PALS1: variants seen among roughly 807,000 people sequenced by gnomAD.
PALS1 encodes the protein protein PALS1.
A neutral mutation model predicts 78.9 loss-of-function variants in PALS1; 31 were observed. That is an observed-to-expected ratio of 0.39 (90% CI 0.30 to 0.53). The LOEUF is 0.53. PALS1 is among the 20% of genes least tolerant of loss of function. The probability of loss-of-function intolerance (pLI) is 0.67; values close to 1 mark genes in which losing one functional copy is unlikely to be tolerated. For synonymous variants in PALS1, 276 were observed against 270.9 expected (o/e 1.02, Z -0.18); for missense variants, 704 against 826.5 (o/e 0.85, Z 1.82).
At chr14:67,257,428 C>T (rs1225580792) in intron 1 of PALS1, among the ~76,000 whole-genome samples, 1 of 152,038 alleles carries the variant, frequency 6.6e-6, no homozygotes, top group Non-Finnish European at 1.5e-5. Context: ...ACATAGTTCC[C>T]AGCTTGACTT....
intron 13 of PALS1, among the ~76,000 whole-genome samples, chr14:67,322,568 A>G (rs974028074): frequency 6.6e-6 from 1 of 152,194 alleles, no homozygotes; most frequent in Admixed American, 6.5e-5. Flanking sequence ...CTATTCTAAA[A>G]TAGTAATTAG....
intron 4 of PALS1, among the ~76,000 whole-genome samples, chr14:67,297,484 T>A (rs1265890504): frequency 1.3e-5 from 2 of 152,180 alleles, no homozygotes; most frequent in Non-Finnish European, 2.9e-5. Context: ...ATAAAACATT[T>A]AAAGCAAGAA....
intron 2 of PALS1, among the ~76,000 whole-genome samples, chr14:67,273,090 A>G (rs942733036): frequency 3.4e-4 from 51 of 148,508 alleles, no homozygotes; most frequent in African/African-American, 1.2e-3. Flanking sequence ...TCAGCCCTCT[A>G]TGCTTCAGTA....
intron 4 of PALS1, among the ~76,000 whole-genome samples, chr14:67,293,737 T>G: frequency 6.6e-6 from 1 of 151,990 alleles, no homozygotes; most frequent in East Asian, 1.9e-4. Context: ...ATATGACATA[T>G]TTGAGAACAC....
chr14:67,286,764 G>T (rs1002773032), intron 3 of PALS1, among the ~76,000 whole-genome samples: 3 of 151,370 alleles, frequency 2.0e-5, no homozygotes, highest in Non-Finnish European at 1.5e-5. Flanking sequence ...AGGCTAGGTG[G>T]GAGGATCGCT....
intron 1 of PALS1, among the ~76,000 whole-genome samples, chr14:67,250,244 A>G (rs1042074265): frequency 2.6e-5 from 4 of 152,162 alleles, no homozygotes; most frequent in African/African-American, 9.7e-5. Flanking sequence ...AATAAGTTTT[A>G]GTTCTTAAAA....
intron 1 of PALS1, among the ~76,000 whole-genome samples, chr14:67,257,300 TTCTG>T (rs2084159962): frequency 6.6e-6 from 1 of 151,980 alleles, no homozygotes; most frequent in Non-Finnish European, 1.5e-5. Flanking sequence ...GGTGACTGAG[TTCTG>T]TCTGTCCTTT....
At chr14:67,325,604 A>G (rs1463622178) in intron 14 of PALS1, among the ~76,000 whole-genome samples, 1 of 152,144 alleles carries the variant, frequency 6.6e-6, no homozygotes, top group East Asian at 1.9e-4. Context: ...TCCAATAACT[A>G]CTTTGGTAGA....
intron 10 of PALS1, 73 bp downstream of exon 10, chr14:67,316,976 A>G: frequency 8.4e-7 from 1 of 1,190,116 alleles, no homozygotes; most frequent in Non-Finnish European, 1.2e-6. Context: ...GAATCTGCAT[A>G]TTAGAACCGT....
intron 8 of PALS1, among the ~76,000 whole-genome samples, chr14:67,304,423 C>T (rs962520548): frequency 4.6e-5 from 7 of 152,070 alleles, no homozygotes; most frequent in South Asian, 4.1e-4. Context: ...GAATCAAAGA[C>T]AAAATATGTA....
chr14:67,300,159 C>A (rs1040046774), intron 4 of PALS1, among the ~76,000 whole-genome samples: 1 of 152,030 alleles, frequency 6.6e-6, no homozygotes, highest in Non-Finnish European at 1.5e-5. Context: ...TTTCTAAGTA[C>A]CAAAACCTGA....
At chr14:67,323,078 A>C (rs1165705284) in intron 13 of PALS1, among the ~76,000 whole-genome samples, 1 of 152,030 alleles carries the variant, frequency 6.6e-6, no homozygotes, top group Non-Finnish European at 1.5e-5. Context: ...TCTGTATGTG[A>C]TCTTATTATT....
chr14:67,276,743 A>G (rs1034026030), intron 2 of PALS1, among the ~76,000 whole-genome samples: 2 of 152,134 alleles, frequency 1.3e-5, no homozygotes, highest in Non-Finnish European at 2.9e-5. Flanking sequence ...GGTTATAGAA[A>G]TTTTTCTGAG....
chr14:67,327,123 C>T (rs958044217), intron 14 of PALS1, among the ~76,000 whole-genome samples: 28 of 151,974 alleles, frequency 1.8e-4, no homozygotes, highest in African/African-American at 5.3e-4. Flanking sequence ...TGCAGTGAAC[C>T]GGGATTGCGC....
Position 67,333,061 on chromosome 14 carries a change from A to G in PALS1, c.*105A>G. 1.0e-6 allele frequency: 1 copy of G among 997,466 alleles called. No individual in the cohort carries two copies. The highest frequency in any genetic ancestry group is 1.5e-6 in the Non-Finnish European group (1 of 673,816). 61.8% of individuals were successfully genotyped at this position (997,466 alleles called of 1,614,324 possible). On this transcript the variant is annotated 3_prime_UTR_variant, in exon 15 of 15. Coordinates refer to ENST00000261681, the MANE Select transcript of PALS1 (RefSeq NM_022474.4). ...GATTGAGGATAAGATGGAAGGCAGC[A>G]GTATAAGCTGTAGATCTGTTCTTAG...
chr14:67,327,034 G>C (rs1362527082), intron 14 of PALS1, among the ~76,000 whole-genome samples: 1 of 152,146 alleles, frequency 6.6e-6, no homozygotes, highest in Non-Finnish European at 1.5e-5. Context: ...AGTTAGCCGG[G>C]TGTGGTGGCA....
At chr14:67,308,920 A>G (rs192934517) in intron 8 of PALS1, among the ~76,000 whole-genome samples, 67 of 152,306 alleles carry the variant, frequency 4.4e-4, no homozygotes, top group African/African-American at 1.4e-3. Context: ...CCTAAAAAAC[A>G]TGTAAATAAA....
chr14:67,263,195 C>T (rs917844725), intron 1 of PALS1, among the ~76,000 whole-genome samples: 3 of 152,100 alleles, frequency 2.0e-5, no homozygotes, highest in African/African-American at 7.2e-5. Context: ...CTTTTTACTT[C>T]AGGAAATGTT....
chr14:67,334,187 A>G lies in PALS1; in HGVS notation c.*1231A>G, dbSNP rs1007570379. On this transcript the variant is annotated 3_prime_UTR_variant, in exon 15 of 15. Transcript: ENST00000261681. ...TATATAGAAATAGGTTTTTAACCTA[A>G]CAAGGTCTGCCTCTTATGACGAGAA... 7 of 152,568 alleles carry G rather than the reference A, an allele frequency of 4.6e-5. No individual in the cohort carries two copies. The highest frequency in any genetic ancestry group is 8.8e-5 in the Non-Finnish European group (6 of 68,044). The allele number at this position is 152,568 out of a possible 1,614,324, so 9.5% of individuals were successfully genotyped here.
Sources: gnomAD v4.1 joint callset for allele counts (sites outside exome capture counted in the v4.1 genomes callset) on GRCh38, gnomAD v4.1.1 for gene constraint, MANE v1.5 for transcripts, NCBI Gene and HGNC (gene_info 2026-07-23, HGNC 2026-07-21) for gene names.